Variants in CDKL5 observed in about 807,000 individuals in gnomAD.
CDKL5 encodes the protein cyclin dependent kinase like 5.
Under a neutral mutation model 61.7 loss-of-function variants are expected in CDKL5, and 8 were observed. The ratio of observed to expected loss-of-function variants is 0.13; its 90% CI spans 0.08 to 0.23. CDKL5 has a LOEUF of 0.23. Among genes scored for constraint, CDKL5 ranks in the 10% least tolerant of loss-of-function variants. The pLI, the probability that CDKL5 is intolerant of heterozygous loss-of-function variation, is 1.00. For missense variants in CDKL5, 440 were observed against 734.5 expected, an observed-to-expected ratio of 0.60 and a Z score of 4.63; for synonymous variants, 275 against 272.3, an observed-to-expected ratio of 1.01 and a Z score of -0.10.
At chrX:18,512,900 A>T (rs1922878328) in intron 3 of CDKL5, among the ~76,000 whole-genome samples, 2 of 111,369 alleles carry the variant, frequency 1.8e-5, no homozygotes, top group Admixed American at 1.9e-4. Context: ...TTTCCCGAAC[A>T]TAAAACCTCC....
chrX:18,506,883 G>T, intron 1 of CDKL5, 52 bp from the exon 2 acceptor site: 1 of 409,046 alleles, frequency 2.4e-6, no homozygotes, highest in East Asian at 4.0e-5. Context: ...TTGGTTACTA[G>T]AGTACTGCAA....
At chrX:18,568,453 A>T (rs1334806948) in intron 4 of CDKL5, among the ~76,000 whole-genome samples, 1 of 112,123 alleles carries the variant, frequency 8.9e-6, no homozygotes, top group East Asian at 2.8e-4. Context: ...ATGAAACTAA[A>T]ATTATGAAAA....
chrX:18,619,812 CA>C, intron 15 of CDKL5, 54 bp from the exon 16 acceptor site: 1 of 815,126 alleles, frequency 1.2e-6, no homozygotes, highest in Admixed American at 2.5e-5. Context: ...ATTTGTCACA[CA>C]ATGGCAAGAA....
chrX:18,565,574 A>G (rs1431221620), intron 4 of CDKL5, among the ~76,000 whole-genome samples: 1 of 112,166 alleles, frequency 8.9e-6, no homozygotes, highest in Non-Finnish European at 1.9e-5. Context: ...TCATCAGCAC[A>G]CATCCCCTAA....
intron 20 of CDKL5, chrX:18,650,157 C>T (rs919542347): frequency 2.8e-5 from 12 of 428,959 alleles, no homozygotes; most frequent in African/African-American, 1.7e-4. Flanking sequence ...CACTCCAGAG[C>T]GGTCTGTAGC....
chrX:18,470,686 C>A (rs1308927838), intron 1 of CDKL5, among the ~76,000 whole-genome samples: 3 of 111,755 alleles, frequency 2.7e-5, no homozygotes, highest in Non-Finnish European at 5.6e-5. Context: ...CTGAAAAAAT[C>A]ACTAATAGAT....
chrX:18,612,014 T>C (rs909262104), intron 14 of CDKL5, among the ~76,000 whole-genome samples: 2 of 112,194 alleles, frequency 1.8e-5, no homozygotes, highest in African/African-American at 6.5e-5. Context: ...ATTTCCAGTA[T>C]ATTTTTATTA....
intron 1 of CDKL5, among the ~76,000 whole-genome samples, chrX:18,476,477 A>G (rs1488050453): frequency 8.9e-6 from 1 of 112,030 alleles, no homozygotes; most frequent in African/African-American, 3.2e-5. Flanking sequence ...TTGGCCTCCC[A>G]AAGTGCTGGG....
chrX:18,473,212 G>T (rs1261590799), intron 1 of CDKL5, among the ~76,000 whole-genome samples: 1 of 110,402 alleles, frequency 9.1e-6, no homozygotes, highest in Non-Finnish European at 1.9e-5. Context: ...ATCCGCCTCG[G>T]CCTCCCAAAG....
chrX:18,633,941 T>G lies in CDKL5; in HGVS notation c.*5184T>G. On this transcript the variant is annotated 3_prime_UTR_variant, in exon 18 of 18. Coordinates refer to ENST00000623535, the MANE Select transcript of CDKL5 (RefSeq NM_001323289.2). ...TTCATCACCTGTTTATGCCCAAATT[T>G]AAAGGAAGTTTGTCTCATTTTGCCA... The G allele has an allele frequency of 4.0e-6, 3 of 754,215 alleles. No individual in the cohort carries two copies. The highest frequency in any genetic ancestry group is 4.7e-6 in the Non-Finnish European group (3 of 639,388). The allele number at this position is 754,215 out of a possible 1,213,427, so 62.2% of individuals were successfully genotyped here.
intron 16 of CDKL5, among the ~76,000 whole-genome samples, chrX:18,621,489 T>C (rs913755065): frequency 8.9e-6 from 1 of 111,961 alleles, no homozygotes; most frequent in Admixed American, 9.5e-5. Context: ...GATTTTGGTA[T>C]ATTTTCCTCC....
At chrX:18,497,975 C>T (rs1386059910) in intron 1 of CDKL5, among the ~76,000 whole-genome samples, 2 of 105,637 alleles carry the variant, frequency 1.9e-5, no homozygotes, top group African/African-American at 7.0e-5. Context: ...TCGCCACCAA[C>T]GCCCAGCTAA....
rs753595913 is a variant in CDKL5 at position 18,567,210 on chromosome X, G to C, written c.145+2688G>C. Among the ~76,000 whole-genome samples the C allele has an allele frequency of 3.6e-5, 4 of 111,586 alleles. No homozygotes were observed. In the South Asian group the frequency reaches 1.1e-3, roughly 31 times the overall value. ...TCTTTTGGAGTGTGAAGTGTATATA[G>C]ATAGTCTCATTCAGGTAAGGATGTC... On this transcript the variant is annotated intron_variant, in intron 4 of 17. Transcript: ENST00000623535.
chrX:18,647,574 G>A (rs917015019), intron 20 of CDKL5: 9 of 398,821 alleles, frequency 2.3e-5, no homozygotes, highest in Non-Finnish European at 3.9e-5. Context: ...TAAAAGCAGA[G>A]GGAAGTGGCT....
chrX:18,545,796 C>T (rs1158849556), intron 3 of CDKL5, among the ~76,000 whole-genome samples: 1 of 112,134 alleles, frequency 8.9e-6, no homozygotes, highest in East Asian at 2.8e-4. Context: ...TTTCCATGAA[C>T]ACTAGCCCAC....
intron 3 of CDKL5, among the ~76,000 whole-genome samples, chrX:18,555,623 G>A (rs1236821152): frequency 1.8e-5 from 2 of 111,940 alleles, no homozygotes; most frequent in African/African-American, 6.5e-5. Context: ...CTGTATATTT[G>A]CATGATCTTT....
In CDKL5 at chrX:18,639,478, A is replaced by T. The variant is rs1051713998; in HGVS notation, c.*10721A>T. On this transcript the variant is annotated 3_prime_UTR_variant, in exon 18 of 18. Coordinates refer to ENST00000623535, the MANE Select transcript of CDKL5 (RefSeq NM_001323289.2). The stretch of plus-strand genomic sequence containing the variant: ...CAGTTGAGATGCAACTTCACACATT[A>T]TGGGTATAGTCAAAGATGGACAGTA... 3.6e-5 allele frequency among the ~76,000 whole-genome samples: 4 copies of T among 112,362 alleles called. No individual in the cohort carries two copies. Among genetic ancestry groups the T allele is most frequent in the Non-Finnish European group, 7.5e-5 (4 of 53,300 alleles).
chrX:18,465,463 C>T (rs1000394789), intron 1 of CDKL5, among the ~76,000 whole-genome samples: 7 of 110,827 alleles, frequency 6.3e-5, no homozygotes, highest in South Asian at 7.6e-4. Flanking sequence ...GTCAGAAGTT[C>T]GAGACCAGCC....
chrX:18,608,662 T>C, intron 12 of CDKL5, 149 bp from the exon 13 acceptor site: 1 of 473,969 alleles, frequency 2.1e-6, no homozygotes, highest in South Asian at 3.0e-5. Flanking sequence ...CATCAGATTA[T>C]TCACTTTTAT....
Sources: allele counts gnomAD v4.1 joint callset (sites outside exome capture counted in the v4.1 genomes callset), GRCh38; gene constraint gnomAD v4.1.1; transcripts MANE v1.5; gene names NCBI Gene and HGNC (gene_info 2026-07-23, HGNC 2026-07-21).